Variants in TEAD1 observed in about 807,000 individuals in gnomAD.
TEAD1 encodes transcriptional enhancer factor TEF-1.
A neutral mutation model predicts 54.9 loss-of-function variants in TEAD1; 9 were observed. That is an observed-to-expected ratio of 0.16 (90% confidence interval 0.10 to 0.29). TEAD1 has a LOEUF of 0.29. TEAD1 is among the 10% of genes least tolerant of loss of function. TEAD1 has a pLI of 1.00. For synonymous variants in TEAD1, 200 were observed against 187.8 expected, an observed-to-expected ratio of 1.07 and a Z score of -0.53; for missense variants, 387 against 535.9, an observed-to-expected ratio of 0.72 and a Z score of 2.74.
At chr11:12,687,145 A>G (rs1355849265) in intron 2 of TEAD1, among the ~76,000 whole-genome samples, 1 of 152,206 alleles carries the variant, frequency 6.6e-6, no homozygotes, top group East Asian at 1.9e-4. Context: ...TCTTTGGTTT[A>G]TCTTTCTGGG....
chr11:12,702,787 A>G (rs1160609204), intron 2 of TEAD1, among the ~76,000 whole-genome samples: 1 of 152,166 alleles, frequency 6.6e-6, no homozygotes, highest in East Asian at 1.9e-4. Flanking sequence ...CAGGTTAATT[A>G]ATTTGCTGCA....
intron 3 of TEAD1, among the ~76,000 whole-genome samples, chr11:12,806,441 A>G (rs1946174312): frequency 6.6e-6 from 1 of 152,190 alleles, no homozygotes. Context: ...TGAGAGTTCC[A>G]AAGTCTTGGG....
chr11:12,930,139 A>G, intron 11 of TEAD1, 35 bp from the exon 12 acceptor site: 1 of 1,614,076 alleles, frequency 6.2e-7, no homozygotes, highest in Non-Finnish European at 8.5e-7. Flanking sequence ...TGGAGTCAAA[A>G]GTGTAAAAAT....
intron 10 of TEAD1, among the ~76,000 whole-genome samples, chr11:12,920,615 G>A (rs1948787244): frequency 6.6e-6 from 1 of 152,076 alleles, no homozygotes; most frequent in Non-Finnish European, 1.5e-5. Flanking sequence ...TGGGACTACA[G>A]GTATTCTACC....
intron 3 of TEAD1, among the ~76,000 whole-genome samples, chr11:12,821,007 C>A (rs1946533967): frequency 6.6e-6 from 1 of 152,168 alleles, no homozygotes; most frequent in Non-Finnish European, 1.5e-5. Flanking sequence ...TGCCTGTCTG[C>A]ATGCTTGTTT....
At chr11:12,878,871 G>A (rs1406603984) in intron 5 of TEAD1, 1 of 1,276,670 alleles carries the variant, frequency 7.8e-7, no homozygotes, top group African/African-American at 1.5e-5. Flanking sequence ...TTAACAAATT[G>A]TTTATTATTG....
At chr11:12,675,729 A>G (rs952608481) in intron 2 of TEAD1, among the ~76,000 whole-genome samples, 168 bp downstream of exon 2, 1 of 152,216 alleles carries the variant, frequency 6.6e-6, no homozygotes, top group Non-Finnish European at 1.5e-5. Context: ...TCTTCTTTTT[A>G]AAAAAATAAC....
intron 10 of TEAD1, among the ~76,000 whole-genome samples, chr11:12,916,309 T>C (rs969908731): frequency 2.6e-5 from 4 of 152,180 alleles, no homozygotes; most frequent in Non-Finnish European, 2.9e-5. Flanking sequence ...CAGTGTTGCA[T>C]CTGTGCCACA....
chr11:12,778,632 C>T (rs1267089686), intron 3 of TEAD1, among the ~76,000 whole-genome samples: 1 of 151,414 alleles, frequency 6.6e-6, no homozygotes, highest in Non-Finnish European at 1.5e-5. Context: ...GCTGCTCAGC[C>T]TCCAGTATGG....
At chr11:12,815,181 G>GA (rs1564949656) in intron 3 of TEAD1, among the ~76,000 whole-genome samples, 1 of 152,134 alleles carries the variant, frequency 6.6e-6, no homozygotes, top group Non-Finnish European at 1.5e-5. Context: ...GTTTTAAACA[G>GA]AAACTGTGTT....
intron 9 of TEAD1, among the ~76,000 whole-genome samples, chr11:12,899,255 T>G (rs1948376638): frequency 6.6e-6 from 1 of 151,262 alleles, no homozygotes; most frequent in Admixed American, 6.6e-5. Context: ...TAAGCAGAGG[T>G]TGTTAATCAG....
intron 3 of TEAD1, among the ~76,000 whole-genome samples, chr11:12,794,697 T>C (rs1249760709): frequency 6.6e-6 from 1 of 152,172 alleles, no homozygotes; most frequent in Non-Finnish European, 1.5e-5. Context: ...TTCCCACTCA[T>C]AATGAGCAGA....
At chr11:12,881,158 C>A in intron 7 of TEAD1, 107 bp downstream of exon 7, 1 of 1,267,636 alleles carries the variant, frequency 7.9e-7, no homozygotes, top group Non-Finnish European at 1.1e-6. Flanking sequence ...GAGAAAGGAG[C>A]ATTACACTGA....
intron 3 of TEAD1, among the ~76,000 whole-genome samples, chr11:12,799,538 A>T (rs1946006228): frequency 6.6e-6 from 1 of 152,254 alleles, no homozygotes; most frequent in Admixed American, 6.5e-5. Flanking sequence ...CACTAAAAAT[A>T]AATCTCCTAC....
chr11:12,808,538 G>T (rs566331807), intron 3 of TEAD1, among the ~76,000 whole-genome samples: 2 of 152,072 alleles, frequency 1.3e-5, no homozygotes, highest in Non-Finnish European at 2.9e-5. Flanking sequence ...TTTGCAGAGG[G>T]TCTCTGAGAA....
intron 3 of TEAD1, among the ~76,000 whole-genome samples, chr11:12,797,070 G>A (rs563737758): frequency 1.4e-5 from 2 of 143,854 alleles, no homozygotes; most frequent in East Asian, 4.2e-4. Flanking sequence ...CCAAGATTGC[G>A]CCACTGCTCT....
chr11:12,818,604 C>T (rs777738075), intron 3 of TEAD1, among the ~76,000 whole-genome samples: 3 of 152,128 alleles, frequency 2.0e-5, no homozygotes, highest in Non-Finnish European at 4.4e-5. Flanking sequence ...TGTGTGTCTT[C>T]CTTGGATGTC....
chr11:12,680,523 T>C (rs949030450), intron 2 of TEAD1, among the ~76,000 whole-genome samples: 1 of 152,216 alleles, frequency 6.6e-6, no homozygotes. Flanking sequence ...GCGCATTGTC[T>C]GCTTGCAGCT....
At chr11:12,745,275 T>C (rs1944724113) in intron 2 of TEAD1, among the ~76,000 whole-genome samples, 1 of 152,228 alleles carries the variant, frequency 6.6e-6, no homozygotes, top group South Asian at 2.1e-4. Flanking sequence ...TGATGTGCCC[T>C]GCATGAACTG....
Sources: gnomAD v4.1 joint callset for allele counts (sites outside exome capture counted in the v4.1 genomes callset) on GRCh38, gnomAD v4.1.1 for gene constraint, MANE v1.5 for transcripts, NCBI Gene and HGNC (gene_info 2026-07-23, HGNC 2026-07-21) for gene names.